CHODL: variants seen among roughly 807,000 people sequenced by gnomAD.
CHODL encodes transmembrane protein MT75.
In CHODL, 29 loss-of-function variants were observed where a neutral mutation model predicts 34.5. The observed-to-expected ratio is 0.84, with a 90% CI of 0.63 to 1.15. CHODL has a LOEUF of 1.15. Ranked by LOEUF, CHODL falls within the 50% of genes most tolerant of loss-of-function variation. The pLI is 0.00. For synonymous variants in CHODL, 125 were observed against 116.1 expected (o/e 1.08, Z -0.49); for missense variants, 332 against 332.5 (o/e 1.00, Z 0.01).
At chr21:18,208,791 G>T (rs751062474) in intron 2 of CHODL, among the ~76,000 whole-genome samples, 17 of 152,098 alleles carry the variant, frequency 1.1e-4, no homozygotes, top group South Asian at 2.1e-4. Context: ...AGATACAGAA[G>T]AATTCTCTGA....
At position 18,153,484 on chromosome 21, in the gene CHODL, A is replaced by G. The variant is rs868036462; in HGVS notation, c.-44-103025A>G. Among the ~76,000 whole-genome samples the G allele has an allele frequency of 3.2e-4, 49 of 152,134 alleles. 1 individual carries two copies. The highest frequency in any genetic ancestry group is 6.8e-3 in the Middle Eastern group (2 of 294). ...TCTTTGACCTCCCTTTTTGCCTCGT[A>G]ACTTCTCTGTCTCCCTCTCCTGCTG... On this transcript the variant is annotated intron_variant, in intron 2 of 6. Transcript: ENST00000400127.
chr21:18,152,612 A>G (rs2072983976), intron 2 of CHODL, among the ~76,000 whole-genome samples: 1 of 152,236 alleles, frequency 6.6e-6, no homozygotes, highest in African/African-American at 2.4e-5. Flanking sequence ...TCCTGGCCAC[A>G]TGGCTCTCTC....
At chr21:18,007,782 AC>A (rs1245083515) in intron 1 of CHODL, among the ~76,000 whole-genome samples, 3 of 152,220 alleles carry the variant, frequency 2.0e-5, no homozygotes, top group African/African-American at 7.2e-5. Flanking sequence ...ATAGTAGCAA[AC>A]ATAGGACTGA....
chr21:18,248,519 G>A (rs750044043), intron 1 of CHODL, among the ~76,000 whole-genome samples: 2 of 145,770 alleles, frequency 1.4e-5, no homozygotes, highest in Non-Finnish European at 3.0e-5. Context: ...TTATGGTTTT[G>A]TTTTATAACT....
intron 5 of CHODL, among the ~76,000 whole-genome samples, chr21:18,265,181 A>G (rs8129505): frequency 0.17 from 24,293 of 145,534 alleles, 2,302 homozygotes; most frequent in African/African-American, 0.3. Flanking sequence ...ATATATATGT[A>G]TATATATATA....
chr21:18,140,318 A>T (rs747254803), intron 2 of CHODL, among the ~76,000 whole-genome samples: 16 of 152,194 alleles, frequency 1.1e-4, no homozygotes, highest in Non-Finnish European at 1.9e-4. Context: ...AAAAATGTAT[A>T]ACATTATACA....
At position 18,145,435 on chromosome 21, in the gene CHODL, C is replaced by CAAAAAAAAAAAAAA. The variant is rs10671177; in HGVS notation, c.-44-111065_-44-111052dup. On this transcript the variant is annotated intron_variant, in intron 2 of 6. Transcript: ENST00000400127. ...CTAGGGGACGAGTGAGACTACCTTTCAAAAAAAAAAAAAAAAAAAAAAGCG... is the reference window on the plus strand; with the variant it reads ...CTAGGGGACGAGTGAGACTACCTTTCAAAAAAAAAAAAAAAAAAAAAAAAAAAAAAAAAAAAGCG... Among the ~76,000 whole-genome samples, 6 of 60,894 alleles carry CAAAAAAAAAAAAAA rather than the reference C, an allele frequency of 9.9e-5. 3 individuals are homozygous for CAAAAAAAAAAAAAA. Among genetic ancestry groups the CAAAAAAAAAAAAAA allele is most frequent in the Non-Finnish European group, 1.3e-4 (4 of 30,106 alleles). 39.9% of individuals were successfully genotyped at this position (60,894 alleles called of 152,430 possible).
At chr21:18,130,689 G>A (rs538324000) in intron 2 of CHODL, among the ~76,000 whole-genome samples, 2 of 152,190 alleles carry the variant, frequency 1.3e-5, no homozygotes, top group South Asian at 2.1e-4. Context: ...TGATGGAAGT[G>A]CAAAGTCAAT....
intron 1 of CHODL, among the ~76,000 whole-genome samples, chr21:17,945,046 TA>T (rs2063394836): frequency 7.7e-6 from 1 of 130,424 alleles, no homozygotes; most frequent in African/African-American, 2.8e-5. Flanking sequence ...CCGTCTCTAC[TA>T]AAAATACAAA....
chr21:17,970,403 C>G (rs2063605171), intron 1 of CHODL, among the ~76,000 whole-genome samples: 1 of 152,094 alleles, frequency 6.6e-6, no homozygotes, highest in South Asian at 2.1e-4. Flanking sequence ...AACCTCAACA[C>G]TTACTGTAAT....
At chr21:17,951,391 G>A (rs745722925) in intron 1 of CHODL, among the ~76,000 whole-genome samples, 5 of 152,126 alleles carry the variant, frequency 3.3e-5, no homozygotes, top group South Asian at 2.1e-4. Flanking sequence ...CTAGGAGGGC[G>A]TAAGGACAGA....
chr21:18,030,239 C>T (rs1256953575), intron 2 of CHODL, among the ~76,000 whole-genome samples: 1 of 152,140 alleles, frequency 6.6e-6, no homozygotes, highest in African/African-American at 2.4e-5. Flanking sequence ...CTAAGGAAAG[C>T]CAAATGACAA....
chr21:17,986,535 A>C (rs940503800), intron 1 of CHODL, among the ~76,000 whole-genome samples: 3 of 152,126 alleles, frequency 2.0e-5, no homozygotes, highest in African/African-American at 7.2e-5. Flanking sequence ...CAGCATATAC[A>C]TGCCACCCTT....
intron 1 of CHODL, among the ~76,000 whole-genome samples, chr21:18,249,062 T>TA (rs1290976863): frequency 8.1e-6 from 1 of 122,876 alleles, no homozygotes; most frequent in African/African-American, 3.2e-5. Context: ...TTATATATAA[T>TA]TTACTATATA....
chr21:18,134,855 A>G (rs946339072), intron 2 of CHODL, among the ~76,000 whole-genome samples: 5 of 152,328 alleles, frequency 3.3e-5, no homozygotes, highest in African/African-American at 7.2e-5. Context: ...ATTCCAATCT[A>G]TCTGTTACTA....
chr21:18,074,769 C>T (rs1034948067), intron 2 of CHODL, among the ~76,000 whole-genome samples: 8 of 152,150 alleles, frequency 5.3e-5, no homozygotes, highest in Admixed American at 3.9e-4. Context: ...TGGAAGTCTT[C>T]AGGCTGAGTC....
chr21:17,960,937 T>C (rs1204297787), intron 1 of CHODL, among the ~76,000 whole-genome samples: 1 of 152,218 alleles, frequency 6.6e-6, no homozygotes, highest in Non-Finnish European at 1.5e-5. Context: ...CTCACTGGAG[T>C]TAGTTCAGGT....
intron 1 of CHODL, among the ~76,000 whole-genome samples, chr21:17,928,835 T>C (rs904745743): frequency 6.6e-6 from 1 of 152,254 alleles, no homozygotes; most frequent in Non-Finnish European, 1.5e-5. Flanking sequence ...AGCTGAATTA[T>C]ATTTTCAAAC....
intron 1 of CHODL, among the ~76,000 whole-genome samples, chr21:18,252,379 C>T (rs2074268321): frequency 6.6e-6 from 1 of 152,090 alleles, no homozygotes; most frequent in African/African-American, 2.4e-5. Flanking sequence ...TGTAATTGTT[C>T]TCTAGGAAAA....
Sources: allele counts gnomAD v4.1 joint callset (sites outside exome capture counted in the v4.1 genomes callset), GRCh38; gene constraint gnomAD v4.1.1; transcripts MANE v1.5; gene names NCBI Gene and HGNC (gene_info 2026-07-23, HGNC 2026-07-21).